Variants in LARGE1 observed in about 807,000 individuals in gnomAD.
LARGE1 encodes xylosyl- and glucuronyltransferase LARGE1.
Under a neutral mutation model 87.6 loss-of-function variants are expected in LARGE1, and 43 were observed. That is an observed-to-expected ratio of 0.49 (90% CI 0.38 to 0.63). The LOEUF (loss-of-function observed/expected upper bound fraction) is 0.63. Among genes scored for constraint, LARGE1 ranks in the 30% least tolerant of loss-of-function variants. The pLI is 0.00. For missense variants in LARGE1, 802 were observed against 1,000.2 expected (o/e 0.80, Z 2.67); for synonymous variants, 434 against 394.6 (o/e 1.10, Z -1.18).
intron 6 of LARGE1, among the ~76,000 whole-genome samples, chr22:33,541,083 A>AGGGGGGGGGGGGGGGGGG (rs1167300904): frequency 1.7e-5 from 1 of 59,116 alleles, no homozygotes; most frequent in Non-Finnish European, 3.4e-5. Flanking sequence ...GGCGGGTTGC[A>AGGGGGGGGGGGGGGGGGG]GGGGGAGAAT....
intron 7 of LARGE1, among the ~76,000 whole-genome samples, chr22:33,405,962 C>T (rs1280295043): frequency 6.6e-6 from 1 of 152,186 alleles, no homozygotes; most frequent in Non-Finnish European, 1.5e-5. Context: ...AGATTAACAA[C>T]TGCAATAGGA....
At chr22:33,601,306 T>G (rs975952832) in intron 5 of LARGE1, among the ~76,000 whole-genome samples, 3 of 152,070 alleles carry the variant, frequency 2.0e-5, no homozygotes, top group Admixed American at 1.3e-4. Flanking sequence ...TAGGTAGGTG[T>G]AGGGGAGGTG....
At chr22:33,465,652 C>T (rs1315131589) in intron 6 of LARGE1, among the ~76,000 whole-genome samples, 2 of 152,188 alleles carry the variant, frequency 1.3e-5, no homozygotes, top group African/African-American at 4.8e-5. Context: ...GTCCATCTTC[C>T]TGTTTTGACT....
At chr22:33,159,467 A>AT (rs1921954716), downstream of LARGE1, among the ~76,000 whole-genome samples, 1 of 152,130 alleles carries the variant, frequency 6.6e-6, no homozygotes, top group South Asian at 2.1e-4. Context: ...AATTTAAAAC[A>AT]TTTTACCAGA....
the LARGE1 span, among the ~76,000 whole-genome samples, chr22:33,082,336 C>A: frequency 1.3e-5 from 2 of 152,232 alleles, no homozygotes; most frequent in African/African-American, 4.8e-5. Context: ...AAGACCCTTC[C>A]GGTTGTTTAG....
At chr22:33,687,072 T>C (rs965688545) in intron 2 of LARGE1, among the ~76,000 whole-genome samples, 6 of 152,126 alleles carry the variant, frequency 3.9e-5, no homozygotes, top group African/African-American at 1.4e-4. Flanking sequence ...TGGGGATCAC[T>C]GCACTGGCTG....
At chr22:33,710,608 C>T (rs925016911) in intron 2 of LARGE1, among the ~76,000 whole-genome samples, 3 of 152,192 alleles carry the variant, frequency 2.0e-5, no homozygotes, top group African/African-American at 7.2e-5. Context: ...TTAGACTGGA[C>T]ACAATGGGCA....
At chr22:33,748,587 T>C (rs1419018028) in intron 2 of LARGE1, among the ~76,000 whole-genome samples, 1 of 152,130 alleles carries the variant, frequency 6.6e-6, no homozygotes, top group African/African-American at 2.4e-5. Flanking sequence ...CAGAGTCAAT[T>C]TGCGGTAAGA....
chr22:33,581,811 C>CAAAAA (rs130418), intron 5 of LARGE1, among the ~76,000 whole-genome samples: 8 of 77,390 alleles, frequency 1.0e-4, no homozygotes, highest in Admixed American at 1.4e-4. Context: ...AACTCCGTCT[C>CAAAAA]AAAAAAAAAA....
At chr22:33,489,075 C>T (rs2069709316) in intron 6 of LARGE1, among the ~76,000 whole-genome samples, 1 of 152,188 alleles carries the variant, frequency 6.6e-6, no homozygotes, top group Non-Finnish European at 1.5e-5. Flanking sequence ...TTAAGTGCTT[C>T]CATGTCTACA....
chr22:33,429,087 G>A (rs2066989978), intron 7 of LARGE1, among the ~76,000 whole-genome samples: 1 of 151,954 alleles, frequency 6.6e-6, no homozygotes, highest in African/African-American at 2.4e-5. Context: ...GCATAAGACA[G>A]GAGGTTCTGC....
intron 2 of LARGE1, among the ~76,000 whole-genome samples, chr22:33,715,717 C>A (rs2082888636): frequency 6.6e-6 from 1 of 152,314 alleles, no homozygotes; most frequent in African/African-American, 2.4e-5. Flanking sequence ...CTTCCCCTAG[C>A]TCCCCAAACA....
intron 11 of LARGE1, among the ~76,000 whole-genome samples, chr22:33,307,541 G>A (rs565688411): frequency 1.4e-4 from 22 of 151,944 alleles, no homozygotes; most frequent in East Asian, 3.9e-4. Flanking sequence ...CAATCCCCTC[G>A]GCCCTCTCCT....
chr22:33,375,647 T>C (rs1283451752), intron 9 of LARGE1, among the ~76,000 whole-genome samples: 1 of 152,242 alleles, frequency 6.6e-6, no homozygotes, highest in Non-Finnish European at 1.5e-5. Flanking sequence ...AAATTATCAA[T>C]TCCTGGCAGG....
intron 7 of LARGE1, among the ~76,000 whole-genome samples, chr22:33,425,649 G>T (rs1480979370): frequency 2.6e-5 from 4 of 152,172 alleles, no homozygotes; most frequent in African/African-American, 9.7e-5. Context: ...CCATCTACAG[G>T]CAGTTTGTCC....
chr22:33,757,631 T>G (rs2084567438), intron 2 of LARGE1, among the ~76,000 whole-genome samples: 1 of 152,158 alleles, frequency 6.6e-6, no homozygotes, highest in Non-Finnish European at 1.5e-5. Flanking sequence ...TTCTTGGCTC[T>G]GCTCTCAGGA....
At chr22:33,505,076 T>G (rs2070698550) in intron 6 of LARGE1, among the ~76,000 whole-genome samples, 1 of 152,190 alleles carries the variant, frequency 6.6e-6, no homozygotes, top group Non-Finnish European at 1.5e-5. Flanking sequence ...TTAAAGCCGC[T>G]CAACACACAG....
At chr22:33,766,165 C>T (rs144686212) in intron 1 of LARGE1, among the ~76,000 whole-genome samples, 38 of 152,192 alleles carry the variant, frequency 2.5e-4, no homozygotes, top group African/African-American at 8.4e-4. Context: ...CAAATGTTGG[C>T]GAATTAACTG....
the LARGE1 span, among the ~76,000 whole-genome samples, chr22:33,089,391 T>TTCTTCTTCTTCC: frequency 4.4e-5 from 6 of 136,298 alleles, no homozygotes; most frequent in Admixed American, 1.5e-4. Context: ...CTTCTTCCTC[T>TTCTTCTTCTTCC]TCTTCTTCTT....
Sources: allele counts gnomAD v4.1 joint callset (sites outside exome capture counted in the v4.1 genomes callset), GRCh38; gene constraint gnomAD v4.1.1; transcripts MANE v1.5; gene names NCBI Gene and HGNC (gene_info 2026-07-23, HGNC 2026-07-21).